Variants in SLIT2 observed in about 807,000 individuals in gnomAD.
SLIT2 encodes the protein slit homolog 2 protein.
Under a neutral mutation model 185.7 loss-of-function variants are expected in SLIT2, and 41 were observed. The ratio of observed to expected loss-of-function variants is 0.22; its 90% confidence interval spans 0.17 to 0.29. SLIT2 has a LOEUF of 0.29. SLIT2 is among the 10% of genes least tolerant of loss of function. The probability of loss-of-function intolerance (pLI) is 1.00; values close to 1 mark genes in which losing one functional copy is unlikely to be tolerated. For missense variants in SLIT2, 1,571 were observed against 1,909.0 expected, an observed-to-expected ratio of 0.82 and a Z score of 3.30; for synonymous variants, 693 against 680.2, an observed-to-expected ratio of 1.02 and a Z score of -0.29.
At chr4:20,424,467 A>G (rs928955844) in intron 4 of SLIT2, among the ~76,000 whole-genome samples, 1 of 152,102 alleles carries the variant, frequency 6.6e-6, no homozygotes, top group African/African-American at 2.4e-5. Flanking sequence ...CATCTCATAC[A>G]ATAAAATTTC....
chr4:20,332,730 A>G (rs950220758), intron 4 of SLIT2, among the ~76,000 whole-genome samples: 1 of 152,070 alleles, frequency 6.6e-6, no homozygotes, highest in African/African-American at 2.4e-5. Context: ...TAGCTATTTT[A>G]TTTGAATAAA....
intron 4 of SLIT2, among the ~76,000 whole-genome samples, chr4:20,312,615 T>C (rs1335137604): frequency 6.6e-6 from 1 of 151,302 alleles, no homozygotes; most frequent in African/African-American, 2.4e-5. Flanking sequence ...CTACTAAAAA[T>C]ACAAAAAAAT....
At chr4:20,612,645 C>G (rs887113828) in intron 34 of SLIT2, among the ~76,000 whole-genome samples, 1 of 151,944 alleles carries the variant, frequency 6.6e-6, no homozygotes, top group East Asian at 1.9e-4. Flanking sequence ...CAGCTGGGCG[C>G]GGTGGCTCAC....
intron 4 of SLIT2, among the ~76,000 whole-genome samples, chr4:20,351,659 C>T (rs147053233): frequency 6.6e-5 from 10 of 152,174 alleles, no homozygotes; most frequent in African/African-American, 9.6e-5. Context: ...GAAGCAGGGT[C>T]ACATGGAGGT....
At chr4:20,255,245 G>T (rs981011246) in intron 1 of SLIT2, among the ~76,000 whole-genome samples, 2 of 152,216 alleles carry the variant, frequency 1.3e-5, no homozygotes, top group Admixed American at 6.5e-5. Context: ...CTCCACCCGC[G>T]CAGCCCATTG....
chr4:20,348,971 C>T (rs903490085), intron 4 of SLIT2, among the ~76,000 whole-genome samples: 1 of 152,172 alleles, frequency 6.6e-6, no homozygotes, highest in Non-Finnish European at 1.5e-5. Flanking sequence ...TCTAATTAGC[C>T]TGACTCCACT....
At chr4:20,290,404 A>C (rs901319069) in intron 4 of SLIT2, among the ~76,000 whole-genome samples, 5 of 152,226 alleles carry the variant, frequency 3.3e-5, no homozygotes, top group Non-Finnish European at 5.9e-5. Flanking sequence ...TAGCATTTAC[A>C]TTACATTAGT....
intron 4 of SLIT2, among the ~76,000 whole-genome samples, chr4:20,413,670 C>G (rs551456660): frequency 6.6e-6 from 1 of 152,120 alleles, no homozygotes; most frequent in Non-Finnish European, 1.5e-5. Context: ...ATATATTGAT[C>G]ATTTTCTAAT....
chr4:20,304,487 T>G (rs1236160205), intron 4 of SLIT2, among the ~76,000 whole-genome samples: 1 of 152,136 alleles, frequency 6.6e-6, no homozygotes, highest in Non-Finnish European at 1.5e-5. Flanking sequence ...TTTCCTTGAA[T>G]CTGAGCTTGG....
At position 20,253,891 on chromosome 4, in the gene SLIT2, C is replaced by G. The variant is rs1345962596; in HGVS notation, c.76C>G (p.Gln26Glu). ...VLAILNKVAP[Q>E]ACPAQCSCSG... ...GGCGATCCTGAACAAGGTGGCACCG[C>G]AGGCGTGCCCGGCGCAGTGCTCTTG... Residue 26 changes from glutamine to glutamate, a missense_variant, in exon 1 of 37, where the codon CAG becomes GAG. By Grantham distance (29) the Gln-to-Glu change is conservative. This residue lies in a region of SLIT2 where 1,202 missense variants were observed against 1,416.4 expected (regional missense o/e 0.85). Transcript: ENST00000504154. 6.2e-7 allele frequency: 1 copy of G among 1,601,580 alleles called. No individual in the cohort carries two copies.
At chr4:20,382,517 G>A (rs1158395490) in intron 4 of SLIT2, among the ~76,000 whole-genome samples, 1 of 152,070 alleles carries the variant, frequency 6.6e-6, no homozygotes, top group Non-Finnish European at 1.5e-5. Context: ...ATATTTTTGT[G>A]TGCTAGCAAT....
chr4:20,410,350 G>A (rs1438892159), intron 4 of SLIT2, among the ~76,000 whole-genome samples: 1 of 142,166 alleles, frequency 7.0e-6, no homozygotes, highest in East Asian at 2.2e-4. Context: ...CCAGGTTCAA[G>A]CGATTCTACT....
chr4:20,519,188 G>C (rs974670369), intron 11 of SLIT2, among the ~76,000 whole-genome samples, 194 bp from the exon 12 acceptor site: 1 of 152,140 alleles, frequency 6.6e-6, no homozygotes, highest in East Asian at 1.9e-4. Context: ...TTTTCCAAAT[G>C]TTCTACAGTA....
intron 4 of SLIT2, among the ~76,000 whole-genome samples, chr4:20,406,600 A>G (rs1726794863): frequency 6.9e-6 from 1 of 144,320 alleles, no homozygotes; most frequent in Admixed American, 7.1e-5. Context: ...ATAGTGACAT[A>G]CCATCACTTA....
At position 20,345,528 on chromosome 4, in the gene SLIT2, T is replaced by C. The variant is rs180811725; in HGVS notation, c.395+76647T>C. ...CTTTTTTCTTTTTCTTTTTCTTTTTTCCTTTTTTCTTTTTTCTTTTTTTTT... is the reference window on the plus strand; with the variant it reads ...CTTTTTTCTTTTTCTTTTTCTTTTTCCCTTTTTTCTTTTTTCTTTTTTTTT... On this transcript the variant is annotated intron_variant, in intron 4 of 36. Coordinates refer to ENST00000504154, the MANE Select transcript of SLIT2 (RefSeq NM_004787.4). Among the ~76,000 whole-genome samples, 889 of 149,384 alleles carry C rather than the reference T, an allele frequency of 6.0e-3. 12 individuals are homozygous for C. Among genetic ancestry groups the C allele is most frequent in the African/African-American group, 0.021 (842 of 40,162 alleles).
intron 4 of SLIT2, among the ~76,000 whole-genome samples, chr4:20,420,085 A>G (rs904414850): frequency 4.6e-5 from 7 of 152,178 alleles, no homozygotes; most frequent in African/African-American, 1.7e-4. Context: ...CTAATATCCA[A>G]ATCATTCCCT....
At chr4:20,494,128 A>G (rs1447306797) in intron 9 of SLIT2, among the ~76,000 whole-genome samples, 1 of 152,234 alleles carries the variant, frequency 6.6e-6, no homozygotes, top group African/African-American at 2.4e-5. Flanking sequence ...GCTGTGTGCC[A>G]GTGATTTGAC....
intron 33 of SLIT2, among the ~76,000 whole-genome samples, chr4:20,599,530 T>C (rs189311873): frequency 1.3e-5 from 2 of 152,136 alleles, no homozygotes; most frequent in Non-Finnish European, 2.9e-5. Context: ...TAAATAGCCT[T>C]GATGTTGGCA....
At chr4:20,525,250 T>C (rs920035554) in intron 15 of SLIT2, 78 bp downstream of exon 15, 9 of 1,041,662 alleles carry the variant, frequency 8.6e-6, no homozygotes, top group African/African-American at 6.3e-5. Flanking sequence ...AAAACTGATA[T>C]GCATGCTTCT....
Sources: gnomAD v4.1 joint callset for allele counts (sites outside exome capture counted in the v4.1 genomes callset) on GRCh38, gnomAD v4.1.1 for gene constraint, gnomAD v4.1.1 regional missense constraint, MANE v1.5 for transcripts, NCBI Gene and HGNC (gene_info 2026-07-23, HGNC 2026-07-21) for gene names.